APMAP: variants seen among roughly 807,000 people sequenced by gnomAD.
APMAP encodes adipocyte plasma membrane associated protein.
Under a neutral mutation model 43.6 loss-of-function variants are expected in APMAP, and 33 were observed. The observed-to-expected ratio is 0.76, with a 90% CI of 0.57 to 1.01. The LOEUF is 1.01. Ranked by LOEUF, APMAP falls within the 50% of genes least tolerant of loss-of-function variation. The pLI is 0.00. For missense variants in APMAP, 498 were observed against 540.7 expected (o/e 0.92, Z 0.78); for synonymous variants, 224 against 216.7 (o/e 1.03, Z -0.30).
chr20:24,967,796 A>AT (rs1240923475), intron 8 of APMAP, among the ~76,000 whole-genome samples: 1 of 152,166 alleles, frequency 6.6e-6, no homozygotes, highest in African/African-American at 2.4e-5. Context: ...CCCACCTGCC[A>AT]TTTTGCCTCC....
intron 2 of APMAP, among the ~76,000 whole-genome samples, chr20:24,982,132 A>T (rs2088109381): frequency 6.6e-6 from 1 of 151,956 alleles, no homozygotes; most frequent in East Asian, 1.9e-4. Context: ...TGAGCCCAGG[A>T]GAGAGGTCCC....
chr20:24,969,208 G>T (rs2087975695), intron 7 of APMAP, 124 bp from the exon 8 acceptor site: 1 of 1,043,126 alleles, frequency 9.6e-7, no homozygotes, highest in Non-Finnish European at 1.4e-6. Flanking sequence ...TGACCATCAT[G>T]AACAAAGGCT....
Position 24,973,702 on chromosome 20 carries a change from C to T in APMAP, c.364G>A (p.Val122Ile), listed in dbSNP as rs75952637. The stretch of plus-strand genomic sequence containing the variant: ...TCTATTTCACCATTTTCAAGTTTTA[C>T]GACCCGGCCATCTGCTGTCCCAGTA... Reference protein sequence around the residue: ...MFTGTADGRVVKLENGEIETI... With the variant: ...MFTGTADGRVIKLENGEIETI... Residue 122 changes from valine (V) to isoleucine (I), a missense_variant, in exon 4 of 9, where the codon GTA becomes ATA. By Grantham distance (29) the Val-to-Ile change is conservative. Transcript: ENST00000217456. 4.6e-5 allele frequency: 75 copies of T among 1,614,096 alleles called. No individual in the cohort carries two copies. In the African/African-American group the frequency reaches 4.7e-4, roughly 10 times the overall value.
intron 3 of APMAP, 29 bp from the exon 4 acceptor site, chr20:24,973,766 G>A (rs756933826): frequency 1.9e-6 from 3 of 1,599,798 alleles, no homozygotes; most frequent in Non-Finnish European, 2.6e-6. Flanking sequence ...AGGAGGAAGA[G>A]CAATGTTAGC....
chr20:24,989,625 A>G (rs2088174865), intron 1 of APMAP, among the ~76,000 whole-genome samples: 1 of 152,238 alleles, frequency 6.6e-6, no homozygotes, highest in South Asian at 2.1e-4. Flanking sequence ...TGAGAAAATC[A>G]GATAGCATCA....
chr20:24,978,916 T>A, intron 2 of APMAP, 34 bp from the exon 3 acceptor site: 1 of 1,535,226 alleles, frequency 6.5e-7, no homozygotes, highest in Non-Finnish European at 9.0e-7. Context: ...GATCTGTCTA[T>A]AAATACACAT....
At chr20:24,964,565 G>T (rs755430666) in intron 8 of APMAP, among the ~76,000 whole-genome samples, 2 of 152,156 alleles carry the variant, frequency 1.3e-5, no homozygotes, top group African/African-American at 4.8e-5. Context: ...TCCTCAAAGC[G>T]GGGCGTGCAG....
intron 3 of APMAP, 26 bp downstream of exon 3, chr20:24,978,741 C>G: frequency 1.1e-5 from 12 of 1,043,684 alleles, no homozygotes; most frequent in Middle Eastern, 3.0e-4. Context: ...CTGGAAGGCT[C>G]CCCCCCCACC....
At chr20:24,986,824 T>C (rs1194851498) in intron 1 of APMAP, among the ~76,000 whole-genome samples, 2 of 152,200 alleles carry the variant, frequency 1.3e-5, no homozygotes, top group Non-Finnish European at 1.5e-5. Context: ...TGTGACTCTA[T>C]GGCTGCGGTC....
Position 24,978,774 on chromosome 20 carries a change from ATG to A in APMAP, c.319_320del (p.His107TyrfsTer18). The A allele has an allele frequency of 1.4e-6, 2 of 1,407,134 alleles. No individual in the cohort carries two copies. Among genetic ancestry groups the A allele is most frequent in the Non-Finnish European group, 1.9e-6 (2 of 1,043,452 alleles). 87.2% of individuals were successfully genotyped at this position (1,407,134 alleles called of 1,614,324 possible). The stretch of plus-strand genomic sequence containing the variant: ...ACCCAAGCTTAGACTTACCCCCAAT[ATG>A]TGCTATGGACTCCGGTCCAACAAGT... ...NQLVGPESIA[H>X]IGDVMFTGTA... On this transcript the variant is annotated frameshift_variant, in exon 3 of 9. Coordinates refer to ENST00000217456, the MANE Select transcript of APMAP (RefSeq NM_020531.3). LOFTEE classifies it high-confidence loss of function.
At chr20:24,976,649 T>A (rs895737663) in intron 3 of APMAP, among the ~76,000 whole-genome samples, 2 of 152,162 alleles carry the variant, frequency 1.3e-5, no homozygotes, top group African/African-American at 4.8e-5. Context: ...AAAACTTAAC[T>A]CTTACCATAC....
chr20:24,980,997 G>A (rs1422468406), intron 2 of APMAP, among the ~76,000 whole-genome samples: 5 of 152,230 alleles, frequency 3.3e-5, no homozygotes, highest in Non-Finnish European at 4.4e-5. Context: ...CATCACTCCC[G>A]TGAGAGCTTA....
intron 3 of APMAP, among the ~76,000 whole-genome samples, chr20:24,975,457 AAATAT>A (rs747703595): frequency 3.3e-5 from 5 of 152,200 alleles, no homozygotes; most frequent in South Asian, 2.1e-4. Context: ...ACTTAGGTAT[AAATAT>A]AATATAATAT....
chr20:24,973,775 G>T lies in APMAP; in HGVS notation c.329-38C>A, dbSNP rs2088026893. 3 of 1,587,478 alleles carry T rather than the reference G, an allele frequency of 1.9e-6. No individual in the cohort carries two copies. In the East Asian group the frequency reaches 6.7e-5, roughly 36 times the overall value. ...ACAAAAAGGAGGAAGAGCAATGTTA[G>T]CCTAAGAAATGTGACTAAGCCGCCT... On this transcript the variant is annotated intron_variant, in intron 3 of 8. Coordinates refer to ENST00000217456, the MANE Select transcript of APMAP (RefSeq NM_020531.3).
At chr20:24,987,895 C>T (rs2088161715) in intron 1 of APMAP, among the ~76,000 whole-genome samples, 1 of 152,212 alleles carries the variant, frequency 6.6e-6, no homozygotes, top group Admixed American at 6.5e-5. Flanking sequence ...GACCTAAAGT[C>T]TTCCAACACA....
At chr20:24,978,929 G>T in intron 2 of APMAP, 47 bp from the exon 3 acceptor site, 1 of 1,461,416 alleles carries the variant, frequency 6.8e-7, no homozygotes, top group South Asian at 1.1e-5. Flanking sequence ...ATACACATGT[G>T]AAGAAAATGT....
chr20:24,984,779 T>C (rs937011434), intron 1 of APMAP, among the ~76,000 whole-genome samples: 2 of 152,240 alleles, frequency 1.3e-5, no homozygotes, highest in Non-Finnish European at 1.5e-5. Flanking sequence ...AATCTTCACA[T>C]ACAGTATCTC....
chr20:24,980,466 C>T (rs2088093147), intron 2 of APMAP, among the ~76,000 whole-genome samples: 1 of 151,958 alleles, frequency 6.6e-6, no homozygotes, highest in Admixed American at 6.5e-5. Context: ...AGCATGGGGT[C>T]ACCATAGTCA....
Position 24,970,251 on chromosome 20 carries a change from T to G in APMAP, c.659A>C (p.Lys220Thr). 3 of 1,614,120 alleles carry G rather than the reference T, an allele frequency of 1.9e-6. No individual in the cohort carries two copies. Among genetic ancestry groups the G allele is most frequent in the Non-Finnish European group, 2.5e-6 (3 of 1,180,036 alleles). The change falls in exon 6 of 9, where the codon AAA becomes ACA. Residue 220 changes from lysine (K) to threonine (T), a missense_variant. Transcript: ENST00000217456. ...RKIYFTDSSS[K>T]WQRRDYLLLV... is the part of the protein sequence containing the mutation. ...AAGCAGGTAGTCTCGTCTTTGCCAT[T>G]TGCTGCTAGAATCGGTGAAATAAAT... is the stretch of plus-strand genomic sequence containing the variant.
Sources: gnomAD v4.1 joint callset for allele counts (sites outside exome capture counted in the v4.1 genomes callset) on GRCh38, gnomAD v4.1.1 for gene constraint, MANE v1.5 for transcripts, NCBI Gene and HGNC (gene_info 2026-07-23, HGNC 2026-07-21) for gene names.